The following ZNF385D variants were observed in gnomAD, a reference collection of about 807,000 sequenced individuals.
The protein encoded by ZNF385D is zinc finger protein 385D.
A neutral mutation model predicts 35.8 loss-of-function variants in ZNF385D; 15 were observed. The observed-to-expected ratio is 0.42, with a 90% CI of 0.28 to 0.64. ZNF385D has a LOEUF of 0.64. ZNF385D is among the 30% of genes least tolerant of loss of function. The pLI, the probability that ZNF385D is intolerant of heterozygous loss-of-function variation, is 0.23. For synonymous variants in ZNF385D, 212 were observed against 186.8 expected, an observed-to-expected ratio of 1.13 and a Z score of -1.10; for missense variants, 474 against 494.6, an observed-to-expected ratio of 0.96 and a Z score of 0.39.
chr3:22,339,550 T>C (rs1695327948), intron 2 of ZNF385D, among the ~76,000 whole-genome samples: 1 of 152,206 alleles, frequency 6.6e-6, no homozygotes, highest in Admixed American at 6.5e-5. Context: ...CTCCAATAAA[T>C]GTTATGTATT....
intron 3 of ZNF385D, among the ~76,000 whole-genome samples, chr3:21,860,989 G>A (rs571609196): frequency 6.6e-6 from 1 of 152,098 alleles, no homozygotes; most frequent in East Asian, 1.9e-4. Context: ...CTGATATATG[G>A]TAAAGGTTTG....
intron 3 of ZNF385D, among the ~76,000 whole-genome samples, chr3:21,984,469 T>G (rs371195664): frequency 0.015 from 1,972 of 134,050 alleles, 140 homozygotes; most frequent in Middle Eastern, 0.032. Flanking sequence ...AAAGATCAGA[T>G]AGTTGTAGGT....
At chr3:22,113,084 C>G (rs1559378719) in intron 3 of ZNF385D, among the ~76,000 whole-genome samples, 2 of 152,028 alleles carry the variant, frequency 1.3e-5, no homozygotes, top group Non-Finnish European at 2.9e-5. Context: ...ATTTACACAT[C>G]AAGTGCCAAC....
At chr3:22,300,373 T>C (rs908103659) in intron 2 of ZNF385D, among the ~76,000 whole-genome samples, 8 of 137,548 alleles carry the variant, frequency 5.8e-5, no homozygotes, top group Non-Finnish European at 7.7e-5. Flanking sequence ...CTGACATTGA[T>C]TGGTCTGGGC....
chr3:21,429,428 G>A (rs550185251), intron 5 of ZNF385D, among the ~76,000 whole-genome samples: 29 of 151,814 alleles, frequency 1.9e-4, no homozygotes, highest in Non-Finnish European at 2.9e-4. Flanking sequence ...GTAATACATC[G>A]AGATGATATA....
intron 3 of ZNF385D, among the ~76,000 whole-genome samples, chr3:22,101,648 A>G (rs1254860303): frequency 6.6e-6 from 1 of 152,064 alleles, no homozygotes; most frequent in Non-Finnish European, 1.5e-5. Flanking sequence ...AGCTACTAAT[A>G]GAACAATAGG....
At chr3:22,325,767 A>G (rs140149368) in intron 2 of ZNF385D, among the ~76,000 whole-genome samples, 1,922 of 152,266 alleles carry the variant, frequency 0.013, 36 homozygotes, top group African/African-American at 0.03. Context: ...CAAAAAAACA[A>G]AAAACAAAAA....
intron 4 of ZNF385D, among the ~76,000 whole-genome samples, chr3:21,439,060 AAAC>A (rs990497649): frequency 2.2e-4 from 34 of 152,256 alleles, no homozygotes; most frequent in African/African-American, 7.5e-4. Context: ...ATCTGTGAAT[AAAC>A]AACAAGTAGC....
intron 2 of ZNF385D, among the ~76,000 whole-genome samples, chr3:21,570,900 A>G (rs2063315940): frequency 6.6e-6 from 1 of 152,180 alleles, no homozygotes; most frequent in African/African-American, 2.4e-5. Flanking sequence ...TGACTTAGTA[A>G]AATGTTTTTA....
intron 3 of ZNF385D, among the ~76,000 whole-genome samples, chr3:21,809,332 G>A (rs1280484144): frequency 6.6e-6 from 1 of 151,824 alleles, no homozygotes; most frequent in Non-Finnish European, 1.5e-5. Flanking sequence ...AAATATAAAA[G>A]ACTATTCTTG....
intron 2 of ZNF385D, among the ~76,000 whole-genome samples, chr3:21,599,942 G>C (rs1202610224): frequency 6.6e-6 from 1 of 152,192 alleles, no homozygotes; most frequent in Admixed American, 6.5e-5. Flanking sequence ...CAGGTGGTCT[G>C]CTCGGGATAC....
At chr3:21,488,735 A>G (rs898769278) in intron 4 of ZNF385D, among the ~76,000 whole-genome samples, 3 of 152,082 alleles carry the variant, frequency 2.0e-5, no homozygotes, top group African/African-American at 7.2e-5. Context: ...ACTGGAAGAG[A>G]CTTAGGCCCA....
intron 3 of ZNF385D, among the ~76,000 whole-genome samples, chr3:22,117,619 G>A (rs928317881): frequency 1.3e-5 from 2 of 151,230 alleles, no homozygotes; most frequent in African/African-American, 4.9e-5. Flanking sequence ...CTTTAAATTA[G>A]ACTTAAATTG....
At chr3:22,026,669 TTC>T (rs2125466913) in intron 3 of ZNF385D, among the ~76,000 whole-genome samples, 1 of 152,314 alleles carries the variant, frequency 6.6e-6, no homozygotes, top group South Asian at 2.1e-4. Context: ...TCACATTGAC[TTC>T]CTGAGCGGTA....
intron 1 of ZNF385D, among the ~76,000 whole-genome samples, chr3:21,707,668 G>A (rs2067956288): frequency 6.6e-6 from 1 of 152,182 alleles, no homozygotes; most frequent in South Asian, 2.1e-4. Flanking sequence ...GGCAGCATTT[G>A]GAAAGGGCAT....
At chr3:21,585,410 G>T (rs2063781653) in intron 2 of ZNF385D, among the ~76,000 whole-genome samples, 1 of 152,050 alleles carries the variant, frequency 6.6e-6, no homozygotes, top group Non-Finnish European at 1.5e-5. Context: ...GCTTTTCTCT[G>T]TTGCTAAATT....
intron 3 of ZNF385D, among the ~76,000 whole-genome samples, chr3:21,796,408 T>C (rs1006638872): frequency 6.6e-6 from 1 of 152,106 alleles, no homozygotes; most frequent in Non-Finnish European, 1.5e-5. Flanking sequence ...GCAAATCTAA[T>C]CCAAAAATGC....
chr3:22,341,385 G>C (rs1417419681), intron 2 of ZNF385D, among the ~76,000 whole-genome samples: 1 of 152,156 alleles, frequency 6.6e-6, no homozygotes, highest in South Asian at 2.1e-4. Context: ...AAGTTGAGGA[G>C]TTGTGACAGA....
intron 1 of ZNF385D, among the ~76,000 whole-genome samples, chr3:21,684,646 T>C (rs1282154122): frequency 6.6e-6 from 1 of 152,096 alleles, no homozygotes; most frequent in East Asian, 1.9e-4. Flanking sequence ...ACATGGCATA[T>C]CCATAGTTTG....
Sources: gnomAD v4.1 joint callset for allele counts (sites outside exome capture counted in the v4.1 genomes callset) on GRCh38, gnomAD v4.1.1 for gene constraint, MANE v1.5 for transcripts, NCBI Gene and HGNC (gene_info 2026-07-23, HGNC 2026-07-21) for gene names.